The following ENTPD5 variants were observed in gnomAD, a reference collection of about 807,000 sequenced individuals.
ENTPD5 encodes the protein ectonucleoside triphosphate diphosphohydrolase 5 (inactive), also known as nucleoside diphosphate phosphatase ENTPD5.
In ENTPD5, 49 loss-of-function variants were observed where a neutral mutation model predicts 60.2. The ratio of observed to expected loss-of-function variants is 0.81; its 90% CI spans 0.65 to 1.03. The LOEUF (loss-of-function observed/expected upper bound fraction) is 1.03, where lower values mean the gene tolerates loss of function less well. Among genes scored for constraint, ENTPD5 ranks in the 50% least tolerant of loss-of-function variants. The probability of loss-of-function intolerance (pLI) is 0.00; values close to 1 mark genes in which losing one functional copy is unlikely to be tolerated. For missense variants in ENTPD5, 480 were observed against 507.6 expected (o/e 0.95, Z 0.52); for synonymous variants, 187 against 185.4 (o/e 1.01, Z -0.07).
chr14:73,963,080 TATTTAATTTA>T (rs775872831), downstream of ENTPD5: 37 of 1,154,930 alleles, frequency 3.2e-5, no homozygotes, highest in South Asian at 4.0e-4. Context: ...TTCAAGATCT[TATTTAATTTA>T]ATAAACTTAC....
chr14:73,983,687 TATTA>T (rs1160025097), intron 5 of ENTPD5, among the ~76,000 whole-genome samples: 1 of 113,316 alleles, frequency 8.8e-6, no homozygotes, highest in African/African-American at 2.8e-5. Context: ...TTATTATTAT[TATTA>T]TTATTTTTTT....
At chr14:73,973,635 T>C (rs1168830438) in intron 12 of ENTPD5, among the ~76,000 whole-genome samples, 1 of 152,198 alleles carries the variant, frequency 6.6e-6, no homozygotes, top group Non-Finnish European at 1.5e-5. Flanking sequence ...ACAATAGATG[T>C]GCACCACAGC....
intron 12 of ENTPD5, 62 bp from the exon 13 acceptor site, chr14:73,973,086 T>C: frequency 1.9e-6 from 3 of 1,582,832 alleles, no homozygotes; most frequent in African/African-American, 1.3e-5. Flanking sequence ...GGACACTCTC[T>C]GAGGCAGGCT....
Position 73,964,086 on chromosome 14 carries a change from C to CA in ENTPD5, c.*2841dup, listed in dbSNP as rs1345836682. On this transcript the variant is annotated 3_prime_UTR_variant, in exon 16 of 16. Coordinates refer to ENST00000334696, the MANE Select transcript of ENTPD5 (RefSeq NM_001249.5). The stretch of plus-strand genomic sequence containing the variant: ...ACTGCAGGGACAAGGTCATCTTTCA[C>CA]AAAAAATGGAAAGGTGGCCTAGATG... 1 of 152,168 alleles carries CA rather than the reference C, an allele frequency of 6.6e-6. No individual in the cohort carries two copies. The highest frequency in any genetic ancestry group is 1.9e-4 in the East Asian group (1 of 5,172). 9.4% of individuals were successfully genotyped at this position (152,168 alleles called of 1,614,324 possible).
chr14:73,957,388 A>G (rs1184663612), downstream of ENTPD5, among the ~76,000 whole-genome samples: 1 of 152,170 alleles, frequency 6.6e-6, no homozygotes. Context: ...CTGGCCCTCT[A>G]TTATTTAAAT....
chr14:73,989,151 A>AG (rs911043056), intron 3 of ENTPD5, among the ~76,000 whole-genome samples: 1 of 151,984 alleles, frequency 6.6e-6, no homozygotes, highest in East Asian at 1.9e-4. Flanking sequence ...GGTGGGGGCC[A>AG]GGAACAGTGG....
At chr14:73,957,777 C>G (rs140708450), downstream of ENTPD5, among the ~76,000 whole-genome samples, 41 of 152,248 alleles carry the variant, frequency 2.7e-4, no homozygotes, top group African/African-American at 9.6e-4. Flanking sequence ...TGATTTCCAG[C>G]TGGAAGAAAA....
intron 13 of ENTPD5, 31 bp downstream of exon 13, chr14:73,972,853 C>T: frequency 1.2e-6 from 2 of 1,611,410 alleles, no homozygotes; most frequent in Non-Finnish European, 1.7e-6. Context: ...ATCCACCTTC[C>T]TCTCTGGACT....
At chr14:73,959,658 C>T, downstream of ENTPD5, 1 of 1,489,858 alleles carries the variant, frequency 6.7e-7, no homozygotes, top group Non-Finnish European at 9.1e-7. Flanking sequence ...CAATCTCCGC[C>T]TCCCGGGTTC....
chr14:73,980,691 G>A (rs1361034380), intron 6 of ENTPD5, among the ~76,000 whole-genome samples: 7 of 152,168 alleles, frequency 4.6e-5, no homozygotes, highest in Non-Finnish European at 1.0e-4. Context: ...CCACTGCACC[G>A]AGCCTGATTT....
At chr14:73,989,310 C>T (rs1031593030) in intron 3 of ENTPD5, among the ~76,000 whole-genome samples, 4 of 152,084 alleles carry the variant, frequency 2.6e-5, no homozygotes, top group Non-Finnish European at 5.9e-5. Flanking sequence ...GCCTCTAATC[C>T]CAGCACTTTG....
intron 3 of ENTPD5, among the ~76,000 whole-genome samples, chr14:73,999,497 C>A (rs7157723): frequency 0.61 from 91,681 of 150,708 alleles, 28,783 homozygotes; most frequent in Non-Finnish European, 0.67. Flanking sequence ...CCCACCCCCC[C>A]AAAAAAAACA....
At position 74,015,839 on chromosome 14, in the gene ENTPD5, A is replaced by G. The variant is rs2059000659; in HGVS notation, c.-146T>C. On this transcript the variant is annotated 5_prime_UTR_variant, in exon 2 of 16. Coordinates refer to ENST00000334696, the MANE Select transcript of ENTPD5 (RefSeq NM_001249.5). ...GAGATATTACCTTACATCTGGATAC[A>G]AGTCCTACCTAACAGCACCATAATG... The G allele has an allele frequency of 6.6e-6, 1 of 152,178 alleles. No individual in the cohort carries two copies. Among genetic ancestry groups the G allele is most frequent in the Non-Finnish European group, 1.5e-5 (1 of 68,042 alleles). The allele number at this position is 152,178 out of a possible 1,614,324, so 9.4% of individuals were successfully genotyped here.
chr14:73,979,929 C>A (rs1024791955), intron 6 of ENTPD5, among the ~76,000 whole-genome samples: 1 of 150,564 alleles, frequency 6.6e-6, no homozygotes, highest in African/African-American at 2.5e-5. Context: ...AATACAGAGT[C>A]CTTTTTTGCC....
intron 3 of ENTPD5, among the ~76,000 whole-genome samples, chr14:73,991,658 G>GT (rs1353878057): frequency 7.0e-6 from 1 of 143,734 alleles, no homozygotes; most frequent in Non-Finnish European, 1.5e-5. Context: ...GCTGTCCTGT[G>GT]TAAGGTAGGA....
At chr14:73,987,604 T>A (rs989818579) in intron 4 of ENTPD5, among the ~76,000 whole-genome samples, 2 of 151,538 alleles carry the variant, frequency 1.3e-5, no homozygotes, top group African/African-American at 4.9e-5. Context: ...GCCCAGGAGG[T>A]CAAGGTTGCA....
At chr14:73,969,753 G>A (rs572789700) in intron 15 of ENTPD5, among the ~76,000 whole-genome samples, 2 of 144,590 alleles carry the variant, frequency 1.4e-5, no homozygotes, top group South Asian at 2.3e-4. Flanking sequence ...CATGTGACTT[G>A]GCATCTTAAT....
chr14:74,007,382 A>T (rs534980822), intron 3 of ENTPD5, among the ~76,000 whole-genome samples: 1 of 152,122 alleles, frequency 6.6e-6, no homozygotes, highest in Non-Finnish European at 1.5e-5. Flanking sequence ...TTAGCTGGGC[A>T]TGCTGGCGCA....
At chr14:73,999,430 G>A (rs1284599709) in intron 3 of ENTPD5, among the ~76,000 whole-genome samples, 1 of 151,998 alleles carries the variant, frequency 6.6e-6, no homozygotes, top group Non-Finnish European at 1.5e-5. Flanking sequence ...AGAGGTTGCA[G>A]TGAGCCAAGA....
Sources: gnomAD v4.1 joint callset for allele counts (sites outside exome capture counted in the v4.1 genomes callset) on GRCh38, gnomAD v4.1.1 for gene constraint, MANE v1.5 for transcripts, NCBI Gene and HGNC (gene_info 2026-07-23, HGNC 2026-07-21) for gene names.